COL23A1: variants seen among roughly 807,000 people sequenced by gnomAD.
COL23A1 encodes collagen alpha-1(XXIII) chain.
In COL23A1, 97 loss-of-function variants were observed where a neutral mutation model predicts 99.3. That is an observed-to-expected ratio of 0.98 (90% CI 0.83 to 1.16). COL23A1 has a LOEUF of 1.16. Among genes scored for constraint, COL23A1 ranks in the 50% most tolerant of loss-of-function variants. The pLI is 0.00. For synonymous variants in COL23A1, 320 were observed against 308.2 expected (o/e 1.04, Z -0.40); for missense variants, 762 against 757.4 (o/e 1.01, Z -0.07).
At chr5:178,409,010 ACACACACACACAT>A (rs1235246234) in intron 2 of COL23A1, among the ~76,000 whole-genome samples, 1 of 149,870 alleles carries the variant, frequency 6.7e-6, no homozygotes, top group African/African-American at 2.5e-5. Flanking sequence ...ACACACACAC[ACACACACACACAT>A]CATGTGGCTG....
chr5:178,344,624 C>T (rs1326207271), intron 2 of COL23A1, among the ~76,000 whole-genome samples: 1 of 151,570 alleles, frequency 6.6e-6, no homozygotes, highest in Non-Finnish European at 1.5e-5. Flanking sequence ...GCCTGGGCGA[C>T]AGAGCGAGAT....
intron 2 of COL23A1, among the ~76,000 whole-genome samples, chr5:178,560,164 C>T (rs997125297): frequency 4.0e-4 from 61 of 152,202 alleles, no homozygotes; most frequent in Non-Finnish European, 8.5e-4. Context: ...TGGTCTGCAC[C>T]AGCAAAACCA....
chr5:178,292,024 A>G (rs924631405), intron 3 of COL23A1, among the ~76,000 whole-genome samples: 3 of 152,128 alleles, frequency 2.0e-5, no homozygotes, highest in African/African-American at 7.2e-5. Context: ...AAGCTGCCGG[A>G]TAGGTTCGCC....
chr5:178,304,197 C>T (rs552725626), intron 3 of COL23A1, among the ~76,000 whole-genome samples: 47 of 152,220 alleles, frequency 3.1e-4, no homozygotes, highest in African/African-American at 1.1e-3. Context: ...CAGCCGGGCA[C>T]TGCCCTACCT....
chr5:178,347,812 C>T (rs1158303754), intron 2 of COL23A1, among the ~76,000 whole-genome samples: 5 of 142,198 alleles, frequency 3.5e-5, no homozygotes, highest in African/African-American at 5.2e-5. Context: ...ACCCGGGAGG[C>T]GGAGCTTGCA....
At chr5:178,546,619 C>T (rs1761594987) in intron 2 of COL23A1, among the ~76,000 whole-genome samples, 1 of 152,244 alleles carries the variant, frequency 6.6e-6, no homozygotes, top group East Asian at 1.9e-4. Flanking sequence ...GGTAAAAGGA[C>T]TGAGGGTTCA....
chr5:178,571,319 A>C (rs144386759), intron 1 of COL23A1, among the ~76,000 whole-genome samples: 1 of 152,058 alleles, frequency 6.6e-6, no homozygotes, highest in African/African-American at 2.4e-5. Context: ...CCAAGATCGC[A>C]CCACTGCACT....
rs1467757681 is a variant in COL23A1 at position 178,468,995 on chromosome 5, TCA to T, written c.361+91685_361+91686del. On this transcript the variant is annotated intron_variant, in intron 2 of 28. Coordinates refer to ENST00000390654, the MANE Select transcript of COL23A1 (RefSeq NM_173465.4). The surrounding 1 kb of genome is among the most constrained non-coding windows in gnomAD (Gnocchi z 4.2). ...GACTGGGTGCCTCACATAAGTGGAA[TCA>T]TATCGTGTTTGTCCTTCTGTGTGTG... Among the ~76,000 whole-genome samples the T allele has an allele frequency of 2.0e-4, 31 of 152,322 alleles. No homozygotes were observed. Among genetic ancestry groups the T allele is most frequent in the African/African-American group, 7.5e-4 (31 of 41,574 alleles).
chr5:178,441,196 C>G (rs1389259366), intron 2 of COL23A1, among the ~76,000 whole-genome samples: 1 of 152,104 alleles, frequency 6.6e-6, no homozygotes, highest in Non-Finnish European at 1.5e-5. Context: ...TTCCCTCTCA[C>G]ACAACATGCA....
chr5:178,412,897 C>T (rs1444713110), intron 2 of COL23A1, among the ~76,000 whole-genome samples: 1 of 152,106 alleles, frequency 6.6e-6, no homozygotes, highest in Non-Finnish European at 1.5e-5. Flanking sequence ...AGACACTGTA[C>T]ATCATCTGGA....
At chr5:178,279,067 C>T (rs1756748221) in intron 5 of COL23A1, among the ~76,000 whole-genome samples, 1 of 152,196 alleles carries the variant, frequency 6.6e-6, no homozygotes, top group Non-Finnish European at 1.5e-5. Flanking sequence ...GGCCAGGACA[C>T]CAGCCCAAAG....
chr5:178,345,314 A>G, intron 2 of COL23A1: 1 of 404,544 alleles, frequency 2.5e-6, no homozygotes, highest in Admixed American at 2.8e-5. Context: ...CACTTGGAGC[A>G]ATTCGGAAGA....
rs545750886 is a variant in COL23A1 at position 178,271,960 on chromosome 5, T to G, written c.442-1597A>C. Among the ~76,000 whole-genome samples the G allele has an allele frequency of 6.6e-5, 10 of 152,308 alleles. No homozygotes were observed. The South Asian group carries it at 2.1e-3, about 32-fold the overall frequency. ...CCGGTGGCCTTCACGCAGCCTTCGC[T>G]CAGGCTGTCCCTGCCTCTCTGGGCT... is the stretch of plus-strand genomic sequence containing the variant. On this transcript the variant is annotated intron_variant, in intron 5 of 28. Transcript: ENST00000390654.
At chr5:178,333,879 G>A (rs1039109123) in intron 2 of COL23A1, among the ~76,000 whole-genome samples, 1 of 151,842 alleles carries the variant, frequency 6.6e-6, no homozygotes, top group Admixed American at 6.6e-5. Context: ...AGTGATATGA[G>A]GTCCCCAGAC....
At chr5:178,325,646 G>GT (rs1161443358) in intron 2 of COL23A1, among the ~76,000 whole-genome samples, 1 of 152,208 alleles carries the variant, frequency 6.6e-6, no homozygotes, top group East Asian at 1.9e-4. Flanking sequence ...CTGCCCATCA[G>GT]TCCCATTGCC....
intron 2 of COL23A1, among the ~76,000 whole-genome samples, chr5:178,549,949 T>A (rs561481243): frequency 1.3e-5 from 2 of 152,354 alleles, no homozygotes; most frequent in African/African-American, 4.8e-5. Flanking sequence ...CTTTTTTATA[T>A]ATTTGAAACA....
At chr5:178,479,852 T>C (rs1757236207) in intron 2 of COL23A1, among the ~76,000 whole-genome samples, 2 of 152,172 alleles carry the variant, frequency 1.3e-5, no homozygotes, top group African/African-American at 4.8e-5. Flanking sequence ...CCTTAGGCGA[T>C]TGTGTCATTG....
intron 19 of COL23A1, 92 bp downstream of exon 19, chr5:178,249,025 A>T (rs1764866976): frequency 7.7e-7 from 1 of 1,306,892 alleles, no homozygotes; most frequent in Non-Finnish European, 1.1e-6. Flanking sequence ...TGTCAGGGTC[A>T]CGCCCTGGCC....
chr5:178,336,746 T>C (rs906175916), intron 2 of COL23A1, among the ~76,000 whole-genome samples: 1 of 152,256 alleles, frequency 6.6e-6, no homozygotes, highest in Admixed American at 6.5e-5. Flanking sequence ...TCAATAATTT[T>C]AAAAAAGAAT....
Sources: allele counts gnomAD v4.1 joint callset (sites outside exome capture counted in the v4.1 genomes callset), GRCh38; gene constraint gnomAD v4.1.1; non-coding constraint Gnocchi (gnomAD v3.1); transcripts MANE v1.5; gene names NCBI Gene and HGNC (gene_info 2026-07-23, HGNC 2026-07-21).